Variants in GPHN observed in about 807,000 individuals in gnomAD.
GPHN encodes the protein gephyrin.
A neutral mutation model predicts 95.5 loss-of-function variants in GPHN; 17 were observed. The ratio of observed to expected loss-of-function variants is 0.18; its 90% confidence interval spans 0.12 to 0.27. The LOEUF (loss-of-function observed/expected upper bound fraction) is 0.27, where lower values mean the gene tolerates loss of function less well. GPHN is among the 10% of genes least tolerant of loss of function. The probability of loss-of-function intolerance (pLI) is 1.00; values close to 1 mark genes in which losing one functional copy is unlikely to be tolerated. For synonymous variants in GPHN, 320 were observed against 322.5 expected, an observed-to-expected ratio of 0.99 and a Z score of 0.08; for missense variants, 660 against 978.1, an observed-to-expected ratio of 0.67 and a Z score of 4.34.
At chr14:66,890,232 C>T (rs560957667) in intron 5 of GPHN, among the ~76,000 whole-genome samples, 34 of 152,118 alleles carry the variant, frequency 2.2e-4, no homozygotes, top group Middle Eastern at 3.4e-3. Context: ...CATGGCAAAA[C>T]CCTATCTCTA....
chr14:67,239,417 T>C, the GPHN span, among the ~76,000 whole-genome samples: 1 of 152,210 alleles, frequency 6.6e-6, no homozygotes, highest in African/African-American at 2.4e-5. Context: ...CTTCTAAACA[T>C]CCTATGATGC....
intron 8 of GPHN, among the ~76,000 whole-genome samples, chr14:66,933,857 G>C (rs185698843): frequency 7.9e-5 from 12 of 152,174 alleles, no homozygotes; most frequent in Admixed American, 7.8e-4. Flanking sequence ...ACAGTCTAGG[G>C]CCTGGGTGCA....
the GPHN span, among the ~76,000 whole-genome samples, chr14:67,686,468 G>A: frequency 5.9e-5 from 9 of 151,898 alleles, no homozygotes; most frequent in Non-Finnish European, 1.2e-4. Context: ...GTGAAACCCC[G>A]TCTCTACTAA....
At chr14:67,612,610 G>GA in the GPHN span, among the ~76,000 whole-genome samples, 4 of 152,084 alleles carry the variant, frequency 2.6e-5, no homozygotes, top group Admixed American at 6.6e-5. Context: ...CACTGTTTAA[G>GA]AAAAAATAAT....
intron 1 of GPHN, among the ~76,000 whole-genome samples, chr14:66,537,256 T>C (rs778032296): frequency 3.9e-5 from 6 of 152,142 alleles, no homozygotes; most frequent in Admixed American, 2.6e-4. Flanking sequence ...ACTAGTATAG[T>C]TGGGCATAAA....
At chr14:66,834,776 A>C (rs2061726620) in intron 4 of GPHN, among the ~76,000 whole-genome samples, 1 of 149,590 alleles carries the variant, frequency 6.7e-6, no homozygotes, top group Non-Finnish European at 1.5e-5. Context: ...TCATAAAATG[A>C]GTTAGGGAGG....
intron 3 of GPHN, among the ~76,000 whole-genome samples, chr14:66,793,992 CTGAA>C (rs1292614960): frequency 6.6e-6 from 1 of 152,096 alleles, no homozygotes; most frequent in African/African-American, 2.4e-5. Context: ...CATTGTCAGA[CTGAA>C]TGACAAGTAT....
At chr14:67,515,308 C>G in the GPHN span, 9 of 153,702 alleles carry the variant, frequency 5.9e-5, no homozygotes, top group African/African-American at 2.2e-4. Context: ...GCCTGGCACT[C>G]CCGCGCCGCG....
the GPHN span, among the ~76,000 whole-genome samples, chr14:67,438,227 A>G: frequency 6.6e-6 from 1 of 152,140 alleles, no homozygotes; most frequent in Non-Finnish European, 1.5e-5. Flanking sequence ...TGTCTTTTCC[A>G]GTGCCCTGGC....
At chr14:67,306,226 T>C in the GPHN span, among the ~76,000 whole-genome samples, 1 of 152,186 alleles carries the variant, frequency 6.6e-6, no homozygotes, top group African/African-American at 2.4e-5. Context: ...CGCCTTGGCC[T>C]CCCAAAGTGC....
At chr14:66,853,160 A>G (rs750054286) in intron 4 of GPHN, among the ~76,000 whole-genome samples, 15 of 152,152 alleles carry the variant, frequency 9.9e-5, no homozygotes, top group Non-Finnish European at 2.9e-5. Flanking sequence ...GCTTTCAATT[A>G]ATGATTTTAT....
chr14:67,553,442 G>A, the GPHN span, among the ~76,000 whole-genome samples: 2 of 152,114 alleles, frequency 1.3e-5, no homozygotes, highest in African/African-American at 4.8e-5. Context: ...GAAGGATCCT[G>A]GGGCAGCTCA....
chr14:66,511,347 T>A (rs1053276276), intron 1 of GPHN, among the ~76,000 whole-genome samples: 2 of 152,158 alleles, frequency 1.3e-5, no homozygotes, highest in Non-Finnish European at 2.9e-5. Context: ...GAACTGTGGT[T>A]TTTGTAAATT....
At chr14:67,374,368 T>C in the GPHN span, 1 of 586,652 alleles carries the variant, frequency 1.7e-6, no homozygotes, top group Non-Finnish European at 2.9e-6. Flanking sequence ...GAAATAATTA[T>C]AAGTATGCCA....
chr14:66,659,749 T>C (rs2065529514), intron 1 of GPHN, among the ~76,000 whole-genome samples: 1 of 152,130 alleles, frequency 6.6e-6, no homozygotes, highest in Non-Finnish European at 1.5e-5. Flanking sequence ...CCTGCTTTCT[T>C]ATGTCTACTT....
At chr14:67,313,884 G>A in the GPHN span, among the ~76,000 whole-genome samples, 1 of 151,100 alleles carries the variant, frequency 6.6e-6, no homozygotes, top group African/African-American at 2.4e-5. Flanking sequence ...GATGTCAGAG[G>A]CCAAGTCTTA....
the GPHN span, among the ~76,000 whole-genome samples, chr14:67,667,692 C>G: frequency 6.6e-6 from 1 of 152,256 alleles, no homozygotes; most frequent in East Asian, 1.9e-4. Context: ...CGCCTGTAAT[C>G]CCTGCACTTT....
chr14:67,426,177 T>C, the GPHN span, among the ~76,000 whole-genome samples: 2 of 152,060 alleles, frequency 1.3e-5, no homozygotes, highest in Non-Finnish European at 2.9e-5. Flanking sequence ...TCAGATTACC[T>C]TTTCCTGCGG....
chr14:67,152,188 C>G (rs1324856602), intron 18 of GPHN, among the ~76,000 whole-genome samples: 1 of 152,054 alleles, frequency 6.6e-6, no homozygotes, highest in African/African-American at 2.4e-5. Context: ...CTATATTCTA[C>G]CTAGAAGTGA....
Sources: allele counts gnomAD v4.1 joint callset (sites outside exome capture counted in the v4.1 genomes callset), GRCh38; gene constraint gnomAD v4.1.1; transcripts MANE v1.5; gene names NCBI Gene and HGNC (gene_info 2026-07-23, HGNC 2026-07-21).